SGCZ: variants seen among roughly 807,000 people sequenced by gnomAD.
SGCZ encodes the protein sarcoglycan zeta.
SGCZ carries 40 observed loss-of-function variants against 41.3 expected under a neutral mutation model. The ratio of observed to expected loss-of-function variants is 0.97; its 90% CI spans 0.75 to 1.26. The LOEUF (loss-of-function observed/expected upper bound fraction) is 1.26. Ranked by LOEUF, SGCZ falls within the 50% of genes most tolerant of loss-of-function variation. The pLI is 0.00. For missense variants in SGCZ, 552 were observed against 369.8 expected, an observed-to-expected ratio of 1.49 and a Z score of -4.04; for synonymous variants, 206 against 137.5, an observed-to-expected ratio of 1.50 and a Z score of -3.49.
chr8:14,824,811 T>C (rs749256104), intron 1 of SGCZ, among the ~76,000 whole-genome samples: 1 of 152,050 alleles, frequency 6.6e-6, no homozygotes, highest in African/African-American at 2.4e-5. Context: ...AGTATAGAAA[T>C]CCTTCTTCTC....
chr8:15,005,445 C>A (rs900589447), intron 1 of SGCZ, among the ~76,000 whole-genome samples: 4 of 150,934 alleles, frequency 2.7e-5, no homozygotes, highest in Non-Finnish European at 5.9e-5. Context: ...GATTCTCCTG[C>A]CTCAGCCTCC....
intron 1 of SGCZ, among the ~76,000 whole-genome samples, chr8:14,943,188 G>A (rs1800333429): frequency 6.6e-6 from 1 of 152,112 alleles, no homozygotes; most frequent in Admixed American, 6.5e-5. Flanking sequence ...GTGAGCAAAG[G>A]ATCCATTTCC....
At chr8:14,872,440 C>G (rs995508768) in intron 1 of SGCZ, among the ~76,000 whole-genome samples, 1 of 151,936 alleles carries the variant, frequency 6.6e-6, no homozygotes, top group African/African-American at 2.4e-5. Flanking sequence ...CTATTAATAT[C>G]TAAAGTGTTT....
intron 1 of SGCZ, among the ~76,000 whole-genome samples, chr8:14,728,127 G>A (rs1563229762): frequency 6.6e-6 from 1 of 152,040 alleles, no homozygotes; most frequent in Non-Finnish European, 1.5e-5. Context: ...AACTTTCTGG[G>A]GTGATAAATA....
intron 1 of SGCZ, among the ~76,000 whole-genome samples, chr8:14,626,528 G>A (rs1806460200): frequency 1.3e-5 from 2 of 152,192 alleles, no homozygotes; most frequent in Admixed American, 1.3e-4. Context: ...ACTTGAAAAT[G>A]GGGTCATTGC....
intron 4 of SGCZ, among the ~76,000 whole-genome samples, chr8:14,215,755 G>A (rs1019025523): frequency 4.6e-5 from 7 of 152,076 alleles, no homozygotes; most frequent in Non-Finnish European, 8.8e-5. Flanking sequence ...CAACTCAAAA[G>A]ACTACATATT....
chr8:14,350,992 C>T (rs17119144), intron 2 of SGCZ, among the ~76,000 whole-genome samples: 56 of 152,222 alleles, frequency 3.7e-4, no homozygotes, highest in Admixed American at 2.0e-3. Context: ...CATGTCTATG[C>T]ATGCGTAGGG....
chr8:14,428,804 C>T (rs897285825), intron 2 of SGCZ, among the ~76,000 whole-genome samples: 1 of 152,140 alleles, frequency 6.6e-6, no homozygotes, highest in Non-Finnish European at 1.5e-5. Context: ...TGATTTCCTG[C>T]ACATGGATAT....
intron 2 of SGCZ, among the ~76,000 whole-genome samples, chr8:14,439,018 G>A (rs1164958091): frequency 6.6e-6 from 1 of 151,912 alleles, no homozygotes; most frequent in Non-Finnish European, 1.5e-5. Flanking sequence ...CTTTCACGAA[G>A]CTTCCTCTGC....
intron 1 of SGCZ, chr8:14,690,394 T>C (rs1271413310): frequency 6.6e-6 from 1 of 151,964 alleles, no homozygotes; most frequent in East Asian, 1.9e-4. Flanking sequence ...CAGGCTGAGT[T>C]TGAAAAAGCT....
intron 1 of SGCZ, among the ~76,000 whole-genome samples, chr8:14,854,021 T>TTATATATTTA (rs1554512087): frequency 9.3e-6 from 1 of 107,672 alleles, no homozygotes; most frequent in Non-Finnish European, 2.0e-5. Flanking sequence ...TGTGATTATA[T>TTATATATTTA]TATATATATA....
rs78759155 is a variant in SGCZ at position 14,620,633 on chromosome 8, C to A, written c.40-65707G>T. On this transcript the variant is annotated intron_variant, in intron 1 of 7. Coordinates refer to ENST00000382080, the MANE Select transcript of SGCZ (RefSeq NM_139167.4). ...CCCATCAACAAGTGGGCAAAGGATA[C>A]GAACAGACACTTCTCAAAAGAAGAC... is the stretch of plus-strand genomic sequence containing the variant. 9.4e-3 allele frequency among the ~76,000 whole-genome samples: 1,434 copies of A among 152,036 alleles called. 27 individuals are homozygous for A. Among genetic ancestry groups the A allele is most frequent in the African/African-American group, 0.033 (1,366 of 41,490 alleles).
chr8:14,870,144 G>C (rs187621712), intron 1 of SGCZ, among the ~76,000 whole-genome samples: 4 of 152,092 alleles, frequency 2.6e-5, no homozygotes, highest in Non-Finnish European at 5.9e-5. Context: ...AAAAAAGCTG[G>C]AGGCATCACA....
intron 2 of SGCZ, among the ~76,000 whole-genome samples, chr8:14,492,589 A>C (rs922669398): frequency 3.9e-5 from 6 of 152,122 alleles, no homozygotes; most frequent in African/African-American, 1.4e-4. Context: ...TTTCCACTCA[A>C]ATATTCTAGT....
intron 1 of SGCZ, among the ~76,000 whole-genome samples, chr8:14,921,535 C>A (rs1270678291): frequency 2.0e-5 from 3 of 150,384 alleles, no homozygotes; most frequent in Admixed American, 6.6e-5. Flanking sequence ...TATTTAAATC[C>A]CCATTTAAAA....
chr8:14,164,637 G>C lies in SGCZ; in HGVS notation c.490C>G (p.Leu164Val), dbSNP rs750976123. ...ATCTCATCTTCATCTGCAGAAAACA[G>C]CACCCTGCCATCTTCACTGGCTCTC... ...EVRASEDGRV[L>V]FSADEDEITI... is the part of the protein sequence containing the mutation. The change falls in exon 5 of 8, where the codon CTG becomes GTG. Residue 164 changes from leucine to valine, a missense_variant. Transcript: ENST00000382080. 3 of 1,613,596 alleles carry C rather than the reference G, an allele frequency of 1.9e-6. No individual in the cohort carries two copies. Among genetic ancestry groups the C allele is most frequent in the East Asian group, 2.2e-5 (1 of 44,842 alleles).
intron 1 of SGCZ, among the ~76,000 whole-genome samples, chr8:15,123,217 G>A (rs1225885759): frequency 6.6e-6 from 1 of 152,052 alleles, no homozygotes; most frequent in Non-Finnish European, 1.5e-5. Flanking sequence ...TTTTCCAGGA[G>A]CATGCTTCAA....
At chr8:14,874,838 C>T (rs1202434954) in intron 1 of SGCZ, among the ~76,000 whole-genome samples, 1 of 152,142 alleles carries the variant, frequency 6.6e-6, no homozygotes, top group Non-Finnish European at 1.5e-5. Context: ...TATTCACCTT[C>T]CTCCAGTTAT....
At chr8:14,195,109 C>G (rs149913852) in intron 4 of SGCZ, among the ~76,000 whole-genome samples, 29 of 152,110 alleles carry the variant, frequency 1.9e-4, no homozygotes, top group African/African-American at 7.0e-4. Flanking sequence ...TTAACCATAA[C>G]GAGGATTTTA....
Sources: allele counts gnomAD v4.1 joint callset (sites outside exome capture counted in the v4.1 genomes callset), GRCh38; gene constraint gnomAD v4.1.1; transcripts MANE v1.5; gene names NCBI Gene and HGNC (gene_info 2026-07-23, HGNC 2026-07-21).